The following ANKRD62 variants were observed in gnomAD, a reference collection of about 807,000 sequenced individuals.
ANKRD62 encodes ankyrin repeat domain 62, also known as ankyrin repeat domain-containing protein 62.
A neutral mutation model predicts 98.8 loss-of-function variants in ANKRD62; 61 were observed. The ratio of observed to expected loss-of-function variants is 0.62; its 90% CI spans 0.50 to 0.76. The LOEUF is 0.76. ANKRD62 is among the 30% of genes least tolerant of loss of function. The pLI is 0.00. For synonymous variants in ANKRD62, 341 were observed against 367.9 expected (o/e 0.93, Z 0.84); for missense variants, 933 against 1,082.9 (o/e 0.86, Z 1.94).
chr18:12,106,573 A>G (rs1909417252), intron 7 of ANKRD62, among the ~76,000 whole-genome samples: 1 of 152,206 alleles, frequency 6.6e-6, no homozygotes, highest in Non-Finnish European at 1.5e-5. Context: ...TAGATGAATC[A>G]TTTAATCTTT....
At chr18:12,160,833 A>G in the ANKRD62 span, among the ~76,000 whole-genome samples, 56 of 152,268 alleles carry the variant, frequency 3.7e-4, no homozygotes, top group East Asian at 7.5e-3. Context: ...AATTAAGAAC[A>G]AAAAATGGCG....
intron 13 of ANKRD62, 121 bp from the exon 14 acceptor site, chr18:12,127,627 G>A: frequency 1.5e-6 from 1 of 652,150 alleles, no homozygotes; most frequent in Non-Finnish European, 2.3e-6. Flanking sequence ...ACATGAGGAG[G>A]AGAAGAAGAA....
chr18:12,125,869 G>T lies in ANKRD62; in HGVS notation c.2048G>T (p.Ser683Ile). ...AGAGACCTACAGCTTGCTTTCCAGA[G>T]CACAGTGAATGAATGGTGTCATTTA... ...SKRDLQLAFQSTVNEWCHLQE... is the reference protein window; with the variant it reads ...SKRDLQLAFQITVNEWCHLQE... The change falls in exon 13 of 14, where the codon AGC (serine) becomes ATC (isoleucine). Residue 683 changes from serine to isoleucine, a missense_variant. This residue lies in a region of ANKRD62 where 362 missense variants were observed against 434.5 expected (regional missense o/e 0.83). Coordinates refer to ENST00000587848, the MANE Select transcript of ANKRD62 (RefSeq NM_001277333.2). The T allele has an allele frequency of 6.5e-7, 1 of 1,546,248 alleles. No homozygotes were observed. The highest frequency in any genetic ancestry group is 8.7e-7 in the Non-Finnish European group (1 of 1,147,302).
the ANKRD62 span, among the ~76,000 whole-genome samples, chr18:12,181,267 G>A: frequency 6.6e-6 from 1 of 152,210 alleles, no homozygotes; most frequent in Admixed American, 6.5e-5. Context: ...AATATGATAT[G>A]GTAGATTAAC....
chr18:12,128,391 C>G lies in ANKRD62; in HGVS notation c.*452C>G, dbSNP rs1909937044. 6.6e-6 allele frequency: 1 copy of G among 152,366 alleles called. No individual in the cohort carries two copies. Among genetic ancestry groups the G allele is most frequent in the African/African-American group, 2.4e-5 (1 of 41,434 alleles). 9.4% of individuals were successfully genotyped at this position (152,366 alleles called of 1,614,324 possible). On this transcript the variant is annotated 3_prime_UTR_variant, in exon 14 of 14. Coordinates refer to ENST00000587848, the MANE Select transcript of ANKRD62 (RefSeq NM_001277333.2). ...ATTAGTATTTTGATGAAAATCCTTG[C>G]TCTGACTTTATATTGGTCTATAGTC...
In ANKRD62 at chr18:12,126,250, A is replaced by C. The variant is rs1401626434; in HGVS notation, c.2429A>C (p.Lys810Thr). Reference protein sequence around the residue: ...QEKTIINIQVKCEDTVEKLQA... With the variant: ...QEKTIINIQVTCEDTVEKLQA... ...AAAACAATAATTAATATCCAAGTCA[A>C]ATGTGAAGATACTGTAGAAAAACTT... The change falls in exon 13 of 14, where the codon AAA (lysine) becomes ACA (threonine). Residue 810 changes from lysine to threonine, a missense_variant. Physicochemically the swap from Lys to Thr is moderately conservative, Grantham distance 78. Around this residue, in one of 3 missense-constraint regions of ANKRD62, gnomAD observed 362 missense variants for 434.5 expected, o/e 0.83. Transcript: ENST00000587848. 1.3e-6 allele frequency: 2 copies of C among 1,536,098 alleles called. No homozygotes were observed. Among genetic ancestry groups the C allele is most frequent in the South Asian group, 1.2e-5 (1 of 84,058 alleles).
intron 10 of ANKRD62, among the ~76,000 whole-genome samples, chr18:12,121,433 C>G (rs1042223812): frequency 6.6e-6 from 1 of 152,080 alleles, no homozygotes; most frequent in Non-Finnish European, 1.5e-5. Context: ...TATCGTGTCC[C>G]CTCCACCGCT....
At chr18:12,177,301 C>T in the ANKRD62 span, among the ~76,000 whole-genome samples, 2 of 152,392 alleles carry the variant, frequency 1.3e-5, no homozygotes, top group South Asian at 4.1e-4. Context: ...GGAGGAGACA[C>T]CAGTGGACAC....
Position 12,099,627 on chromosome 18 carries a change from G to A in ANKRD62, c.765G>A (p.Met255Ile), listed in dbSNP as rs2143896627. Residue 255 changes from methionine (M) to isoleucine (I), a missense_variant, in exon 6 of 14, where the codon ATG becomes ATA. Around this residue, in one of 3 missense-constraint regions of ANKRD62, gnomAD observed 549 missense variants for 587.9 expected, o/e 0.93. Transcript: ENST00000587848. The part of the protein sequence containing the change: ...VASKFQAIRG[M>I]ISEYKANKRC... ...TTTTGATACATAGCATTCGTGGAAT[G>A]ATTTCTGAATATAAAGCAAACAAGA... 3 of 1,486,852 alleles carry A rather than the reference G, an allele frequency of 2.0e-6. No homozygotes were observed. Among genetic ancestry groups the A allele is most frequent in the South Asian group, 2.7e-5 (2 of 74,534 alleles). The allele number at this position is 1,486,852 out of a possible 1,614,324, so 92.1% of individuals were successfully genotyped here.
chr18:12,101,908 C>T, intron 6 of ANKRD62: 1 of 752,302 alleles, frequency 1.3e-6, no homozygotes, highest in South Asian at 1.4e-5. Context: ...CCTGTTATTT[C>T]TTCCTTATTG....
At chr18:12,140,853 C>T in the ANKRD62 span, among the ~76,000 whole-genome samples, 8 of 152,336 alleles carry the variant, frequency 5.3e-5, no homozygotes, top group East Asian at 1.4e-3. Flanking sequence ...AAGCTGCCTG[C>T]TGGGAGAACC....
intron 8 of ANKRD62, among the ~76,000 whole-genome samples, chr18:12,109,828 A>G (rs758689517): frequency 2.6e-5 from 4 of 152,146 alleles, no homozygotes; most frequent in Non-Finnish European, 5.9e-5. Context: ...GTTGTAGTCC[A>G]ACATCTTTCA....
intron 4 of ANKRD62, 139 bp downstream of exon 4, chr18:12,096,441 G>A: frequency 5.5e-6 from 3 of 544,136 alleles, no homozygotes; most frequent in Non-Finnish European, 9.4e-6. Context: ...GAAGTCATCA[G>A]GTAGAAAAAC....
At chr18:12,161,806 T>A in the ANKRD62 span, among the ~76,000 whole-genome samples, 3 of 152,156 alleles carry the variant, frequency 2.0e-5, no homozygotes, top group Non-Finnish European at 4.4e-5. Context: ...CTATTCCAAT[T>A]AACATAATGA....
intron 7 of ANKRD62, among the ~76,000 whole-genome samples, chr18:12,105,861 A>C (rs1909402473): frequency 6.6e-6 from 1 of 152,210 alleles, no homozygotes; most frequent in Non-Finnish European, 1.5e-5. Flanking sequence ...GACACTTGTA[A>C]ACTAGGGTTA....
At chr18:12,178,313 C>T in the ANKRD62 span, among the ~76,000 whole-genome samples, 2 of 149,302 alleles carry the variant, frequency 1.3e-5, no homozygotes, top group Non-Finnish European at 2.9e-5. Flanking sequence ...GAAGTGATCC[C>T]CACCACCAGA....
chr18:12,137,939 C>T, the ANKRD62 span, among the ~76,000 whole-genome samples: 484 of 152,116 alleles, frequency 3.2e-3, no homozygotes, highest in Non-Finnish European at 5.2e-3. Context: ...TCTGTCTTTT[C>T]TTCTTTATTA....
chr18:12,178,100 A>G, the ANKRD62 span, among the ~76,000 whole-genome samples: 58,075 of 150,202 alleles, frequency 0.39, 11,901 homozygotes, highest in East Asian at 0.77. Context: ...TAGAACGGGC[A>G]TGAAAGTCCA....
At chr18:12,150,193 A>G in the ANKRD62 span, among the ~76,000 whole-genome samples, 96 of 152,342 alleles carry the variant, frequency 6.3e-4, no homozygotes, top group Non-Finnish European at 9.7e-4. Flanking sequence ...AATCTAGCTG[A>G]GAAAAGAATT....
Sources: allele counts gnomAD v4.1 joint callset (sites outside exome capture counted in the v4.1 genomes callset), GRCh38; gene constraint gnomAD v4.1.1; regional missense constraint gnomAD v4.1.1; transcripts MANE v1.5; gene names NCBI Gene and HGNC (gene_info 2026-07-23, HGNC 2026-07-21).